PTCHD4: variants seen among roughly 807,000 people sequenced by gnomAD.
The protein encoded by PTCHD4 is patched domain-containing protein 4.
PTCHD4 carries 33 observed loss-of-function variants against 58.1 expected under a neutral mutation model. The observed-to-expected ratio is 0.57, with a 90% CI of 0.43 to 0.76. The LOEUF (loss-of-function observed/expected upper bound fraction) is 0.76. Among genes scored for constraint, PTCHD4 ranks in the 30% least tolerant of loss-of-function variants. PTCHD4 has a pLI of 0.00. For synonymous variants in PTCHD4, 478 were observed against 409.6 expected (o/e 1.17, Z -2.02); for missense variants, 1,058 against 1,027.1 (o/e 1.03, Z -0.41).
Position 48,005,944 on chromosome 6 carries a change from C to T in PTCHD4, c.898+2690G>A, listed in dbSNP as rs542919339. Among the ~76,000 whole-genome samples, 38 of 152,246 alleles carry T rather than the reference C, an allele frequency of 2.5e-4. 1 individual carries two copies. The South Asian group carries it at 7.7e-3, about 31-fold the overall frequency. On this transcript the variant is annotated intron_variant, in intron 4 of 4. Coordinates refer to ENST00000339488, the MANE Select transcript of PTCHD4 (RefSeq NM_001384253.1). ...GGGATGAAAACCTAGCAGAGTGTTC[C>T]TTTTATTTCACCAGTTCTCAATCTT...
chr6:48,032,538 A>T (rs1763486030), intron 3 of PTCHD4, among the ~76,000 whole-genome samples: 1 of 152,108 alleles, frequency 6.6e-6, no homozygotes, highest in South Asian at 2.1e-4. Flanking sequence ...CAGAAGCGAA[A>T]TTAAGTAATC....
intron 4 of PTCHD4, among the ~76,000 whole-genome samples, chr6:47,892,817 C>A (rs375363958): frequency 1.5e-3 from 224 of 152,316 alleles, no homozygotes; most frequent in African/African-American, 4.9e-3. Flanking sequence ...TGTGGCCTTT[C>A]TTCCCAATGA....
chr6:48,031,143 T>TA (rs972561795), intron 3 of PTCHD4, among the ~76,000 whole-genome samples: 2 of 152,108 alleles, frequency 1.3e-5, no homozygotes, highest in African/African-American at 4.8e-5. Flanking sequence ...CCCTTACCCC[T>TA]ACCCCTCCAT....
chr6:48,091,151 A>G (rs1765359036), intron 1 of PTCHD4, among the ~76,000 whole-genome samples: 1 of 152,124 alleles, frequency 6.6e-6, no homozygotes, highest in Admixed American at 6.5e-5. Context: ...AAAAATCATT[A>G]TATGTTAGTA....
chr6:48,041,179 GA>G (rs1226796879), intron 3 of PTCHD4, among the ~76,000 whole-genome samples: 1 of 152,054 alleles, frequency 6.6e-6, no homozygotes, highest in Admixed American at 6.6e-5. Flanking sequence ...AGAATTGAGA[GA>G]AAGTGGACCT....
At position 47,863,422 on chromosome 6, in the gene PTCHD4, A is replaced by C. The variant is rs1763480176; in HGVS notation, c.*14881T>G. On this transcript the variant is annotated 3_prime_UTR_variant, in exon 5 of 5. Coordinates refer to ENST00000339488, the MANE Select transcript of PTCHD4 (RefSeq NM_001384253.1). The stretch of plus-strand genomic sequence containing the variant: ...GTACTTTACTATTATTTGGCCTAAT[A>C]ATATAATAGTGTTTCAGCCTCATTA... Among the ~76,000 whole-genome samples the C allele has an allele frequency of 6.6e-6, 1 of 151,920 alleles. No individual in the cohort carries two copies. Among genetic ancestry groups the C allele is most frequent in the Admixed American group, 6.6e-5 (1 of 15,226 alleles).
chr6:47,971,214 A>G (rs1244607755), intron 4 of PTCHD4, among the ~76,000 whole-genome samples: 1 of 152,184 alleles, frequency 6.6e-6, no homozygotes, highest in African/African-American at 2.4e-5. Context: ...AAAAACTATA[A>G]TTGACAGCTT....
chr6:48,045,084 T>C (rs975650777), intron 3 of PTCHD4, among the ~76,000 whole-genome samples: 1 of 151,824 alleles, frequency 6.6e-6, no homozygotes, highest in Non-Finnish European at 1.5e-5. Flanking sequence ...TTATTATAAG[T>C]TGTCAACTCT....
intron 3 of PTCHD4, among the ~76,000 whole-genome samples, chr6:48,042,225 A>G (rs1034768996): frequency 1.3e-5 from 2 of 152,068 alleles, no homozygotes; most frequent in East Asian, 1.9e-4. Flanking sequence ...ACTCACGTTG[A>G]GCAATTATTA....
chr6:48,082,953 A>G (rs1197915980), intron 1 of PTCHD4, among the ~76,000 whole-genome samples: 1 of 151,882 alleles, frequency 6.6e-6, no homozygotes, highest in African/African-American at 2.4e-5. Context: ...CTGCCTTTTT[A>G]AATAATGCTA....
intron 3 of PTCHD4, among the ~76,000 whole-genome samples, chr6:48,060,352 C>T (rs1294660937): frequency 6.6e-6 from 1 of 152,216 alleles, no homozygotes; most frequent in Non-Finnish European, 1.5e-5. Context: ...GAACCCTTAA[C>T]ATCCAAACAA....
At chr6:47,960,568 G>C (rs1225955570) in intron 4 of PTCHD4, among the ~76,000 whole-genome samples, 1 of 151,920 alleles carries the variant, frequency 6.6e-6, no homozygotes, top group East Asian at 1.9e-4. Flanking sequence ...TATTAATACT[G>C]AATAAAGTAA....
intron 4 of PTCHD4, among the ~76,000 whole-genome samples, chr6:47,961,700 T>A (rs570618036): frequency 1.5e-3 from 226 of 152,124 alleles, no homozygotes; most frequent in African/African-American, 5.0e-3. Context: ...ACATTTTTTT[T>A]AAAAAAAGAA....
intron 4 of PTCHD4, among the ~76,000 whole-genome samples, chr6:47,892,637 G>T (rs1258649222): frequency 6.6e-6 from 1 of 152,168 alleles, no homozygotes; most frequent in Non-Finnish European, 1.5e-5. Flanking sequence ...TCAATCATTA[G>T]GATGTATTTA....
At chr6:47,897,940 C>CTTTCTTT (rs1391426036) in intron 4 of PTCHD4, among the ~76,000 whole-genome samples, 1 of 76,356 alleles carries the variant, frequency 1.3e-5, no homozygotes, top group African/African-American at 4.9e-5. Flanking sequence ...TTCTTTCTTT[C>CTTTCTTT]TTTTTTTTTT....
At chr6:48,090,682 A>G (rs1582129307) in intron 1 of PTCHD4, among the ~76,000 whole-genome samples, 1 of 152,336 alleles carries the variant, frequency 6.6e-6, no homozygotes, top group Non-Finnish European at 1.5e-5. Flanking sequence ...GGGGCTGGCC[A>G]TTCAATAATG....
chr6:47,917,480 A>G (rs9369756), intron 4 of PTCHD4, among the ~76,000 whole-genome samples: 94,109 of 152,008 alleles, frequency 0.62, 30,106 homozygotes, highest in East Asian at 0.78. Context: ...ACACAAGGAC[A>G]CTATAAACCA....
Position 48,108,707 on chromosome 6 carries a change from G to T in PTCHD4, c.-970+2342C>A, listed in dbSNP as rs561050167. ...ATTATAGCCTTATCTGCAATGAAAA[G>T]TATCAATAATAGATTAAACCTTTAA... On this transcript the variant is annotated intron_variant, in intron 1 of 4. Transcript: ENST00000339488. Among the ~76,000 whole-genome samples the T allele has an allele frequency of 3.3e-5, 5 of 152,024 alleles. No homozygotes were observed. The South Asian group carries it at 8.3e-4, about 25-fold the overall frequency.
rs1763503160 is a variant in PTCHD4 at position 47,864,350 on chromosome 6, C to A, written c.*13953G>T. The stretch of plus-strand genomic sequence containing the variant: ...CACACATATATATATATGGCTATTT[C>A]ACCTACTAGTTTGCTTTGCTAAAAT... On this transcript the variant is annotated 3_prime_UTR_variant, in exon 5 of 5. Coordinates refer to ENST00000339488, the MANE Select transcript of PTCHD4 (RefSeq NM_001384253.1). 6.6e-6 allele frequency among the ~76,000 whole-genome samples: 1 copy of A among 151,598 alleles called. No individual in the cohort carries two copies. The highest frequency in any genetic ancestry group is 2.1e-4 in the South Asian group (1 of 4,814).
Sources: allele counts gnomAD v4.1 joint callset (sites outside exome capture counted in the v4.1 genomes callset), GRCh38; gene constraint gnomAD v4.1.1; transcripts MANE v1.5; gene names NCBI Gene and HGNC (gene_info 2026-07-23, HGNC 2026-07-21).